The following CCDC60 variants were observed in gnomAD, a reference collection of about 807,000 sequenced individuals.
CCDC60 encodes coiled-coil domain-containing protein 60.
A neutral mutation model predicts 63.5 loss-of-function variants in CCDC60; 54 were observed. The ratio of observed to expected loss-of-function variants is 0.85; its 90% CI spans 0.68 to 1.07. CCDC60 has a LOEUF of 1.07. Among genes scored for constraint, CCDC60 ranks in the 50% least tolerant of loss-of-function variants. CCDC60 has a pLI of 0.00. For synonymous variants in CCDC60, 206 were observed against 238.8 expected, an observed-to-expected ratio of 0.86 and a Z score of 1.27; for missense variants, 651 against 684.3, an observed-to-expected ratio of 0.95 and a Z score of 0.54.
rs764905941 is a variant in CCDC60 at position 119,453,243 on chromosome 12, C to G, written c.171-18751C>G. On this transcript the variant is annotated intron_variant, in intron 2 of 13. Coordinates refer to ENST00000327554, the MANE Select transcript of CCDC60 (RefSeq NM_178499.5). Reference sequence around the variant, plus strand: ...TCCTGTGAAACATCCTGTGTGTTCACAGGCTGTGATATGGGATCTTCAGAT... The same window carrying G: ...TCCTGTGAAACATCCTGTGTGTTCAGAGGCTGTGATATGGGATCTTCAGAT... Among the ~76,000 whole-genome samples, 3 of 152,234 alleles carry G rather than the reference C, an allele frequency of 2.0e-5. No homozygotes were observed. In the South Asian group the frequency reaches 6.2e-4, roughly 32 times the overall value.
chr12:119,355,586 G>A (rs1331679657), intron 1 of CCDC60, among the ~76,000 whole-genome samples: 5 of 152,180 alleles, frequency 3.3e-5, no homozygotes, highest in Middle Eastern at 3.2e-3. Context: ...TCTTGGCTTT[G>A]CCCAGGGAAG....
chr12:119,509,673 T>C (rs1952156869), intron 7 of CCDC60, among the ~76,000 whole-genome samples: 2 of 152,046 alleles, frequency 1.3e-5, no homozygotes, highest in Admixed American at 6.5e-5. Flanking sequence ...ATGATGATGA[T>C]GGTGATGATA....
At chr12:119,431,071 G>A (rs75915604) in intron 2 of CCDC60, among the ~76,000 whole-genome samples, 145 of 152,318 alleles carry the variant, frequency 9.5e-4, no homozygotes, top group African/African-American at 3.4e-3. Context: ...TGGCCTCTCT[G>A]TAACTGCCCA....
chr12:119,415,832 CCA>C (rs1411349367), intron 1 of CCDC60, among the ~76,000 whole-genome samples: 1 of 152,190 alleles, frequency 6.6e-6, no homozygotes, highest in African/African-American at 2.4e-5. Context: ...AGGAAAACAT[CCA>C]CAGACAGTAA....
At chr12:119,434,672 CAT>C (rs1340390663) in intron 2 of CCDC60, among the ~76,000 whole-genome samples, 17 of 152,126 alleles carry the variant, frequency 1.1e-4, no homozygotes, top group Admixed American at 3.3e-4. Context: ...CCAATAAAGA[CAT>C]AGCAGGGTGA....
intron 1 of CCDC60, among the ~76,000 whole-genome samples, chr12:119,376,156 C>T (rs1397178602): frequency 6.6e-6 from 1 of 152,194 alleles, no homozygotes; most frequent in African/African-American, 2.4e-5. Context: ...GAAAAACGCA[C>T]TTGCTAATAC....
intron 1 of CCDC60, among the ~76,000 whole-genome samples, chr12:119,360,345 C>T (rs1276463752): frequency 1.2e-4 from 17 of 145,650 alleles, no homozygotes; most frequent in African/African-American, 3.6e-4. Flanking sequence ...GGGGGGCTGA[C>T]GCCCCCACCT....
At chr12:119,435,283 A>G (rs1372104024) in intron 2 of CCDC60, among the ~76,000 whole-genome samples, 1 of 152,208 alleles carries the variant, frequency 6.6e-6, no homozygotes, top group Non-Finnish European at 1.5e-5. Context: ...TTATCAGTTG[A>G]AATAAGGGGG....
intron 2 of CCDC60, among the ~76,000 whole-genome samples, chr12:119,440,466 C>T (rs1484579558): frequency 2.0e-5 from 3 of 152,058 alleles, no homozygotes; most frequent in Non-Finnish European, 4.4e-5. Flanking sequence ...GGAAGTGGAG[C>T]TTGCAGTGAG....
intron 1 of CCDC60, among the ~76,000 whole-genome samples, chr12:119,422,551 G>A (rs971852326): frequency 2.0e-5 from 3 of 152,132 alleles, no homozygotes; most frequent in Admixed American, 1.3e-4. Context: ...AGAGGGAGAT[G>A]GGGGAGGTGC....
chr12:119,411,572 C>A (rs1454694625), intron 1 of CCDC60, among the ~76,000 whole-genome samples: 5 of 152,048 alleles, frequency 3.3e-5, no homozygotes, highest in Non-Finnish European at 5.9e-5. Flanking sequence ...TGATGTCATC[C>A]AAGACCCTTG....
intron 4 of CCDC60, among the ~76,000 whole-genome samples, chr12:119,487,173 G>T (rs895340210): frequency 6.6e-6 from 1 of 152,092 alleles, no homozygotes; most frequent in Non-Finnish European, 1.5e-5. Context: ...AATTGACACT[G>T]GTTCAAATTC....
intron 1 of CCDC60, among the ~76,000 whole-genome samples, chr12:119,339,570 T>G (rs1955510639): frequency 6.6e-6 from 1 of 152,126 alleles, no homozygotes. Context: ...GAGGATCACT[T>G]GAGCCCAGGA....
chr12:119,453,769 GAAGA>G (rs1396723807), intron 2 of CCDC60, among the ~76,000 whole-genome samples: 1 of 151,968 alleles, frequency 6.6e-6, no homozygotes, highest in Admixed American at 6.6e-5. Context: ...TGAAGAAGAA[GAAGA>G]AAGAAGAATG....
At chr12:119,468,994 A>G (rs2136321027) in intron 2 of CCDC60, among the ~76,000 whole-genome samples, 1 of 152,058 alleles carries the variant, frequency 6.6e-6, no homozygotes, top group East Asian at 1.9e-4. Context: ...TACCTACTTA[A>G]ATAATTTTTT....
intron 1 of CCDC60, among the ~76,000 whole-genome samples, chr12:119,386,504 A>G (rs545264470): frequency 1.3e-5 from 2 of 150,290 alleles, no homozygotes; most frequent in Non-Finnish European, 3.0e-5. Flanking sequence ...ACTCTAAGAA[A>G]AAAAAAAAAA....
At chr12:119,345,908 C>A (rs116017222) in intron 1 of CCDC60, among the ~76,000 whole-genome samples, 2,063 of 152,034 alleles carry the variant, frequency 0.014, 37 homozygotes, top group African/African-American at 0.047. Flanking sequence ...ATCTCCACCT[C>A]CCGGGTTCAA....
intron 2 of CCDC60, among the ~76,000 whole-genome samples, chr12:119,432,981 A>G (rs150759408): frequency 2.7e-3 from 407 of 152,308 alleles, no homozygotes; most frequent in African/African-American, 9.1e-3. Flanking sequence ...TGTAGTATCT[A>G]TGTGGTGGAA....
intron 1 of CCDC60, among the ~76,000 whole-genome samples, chr12:119,385,897 A>G (rs1956054963): frequency 1.3e-5 from 2 of 152,188 alleles, no homozygotes; most frequent in Non-Finnish European, 2.9e-5. Context: ...AGGGGGATCT[A>G]TGCAAACAGT....
Sources: gnomAD v4.1 joint callset for allele counts (sites outside exome capture counted in the v4.1 genomes callset) on GRCh38, gnomAD v4.1.1 for gene constraint, MANE v1.5 for transcripts, NCBI Gene and HGNC (gene_info 2026-07-23, HGNC 2026-07-21) for gene names.